The following LARGE1 variants were observed in gnomAD, a reference collection of about 807,000 sequenced individuals.
LARGE1 encodes the protein xylosyl- and glucuronyltransferase LARGE1.
LARGE1 carries 43 observed loss-of-function variants against 87.6 expected under a neutral mutation model. The ratio of observed to expected loss-of-function variants is 0.49; its 90% CI spans 0.38 to 0.63. The LOEUF is 0.63. Ranked by LOEUF, LARGE1 falls within the 30% of genes least tolerant of loss-of-function variation. The pLI is 0.00. For synonymous variants in LARGE1, 434 were observed against 394.6 expected (o/e 1.10, Z -1.18); for missense variants, 802 against 1,000.2 (o/e 0.80, Z 2.67).
At chr22:33,478,266 G>A (rs2069162838) in intron 6 of LARGE1, among the ~76,000 whole-genome samples, 1 of 152,152 alleles carries the variant, frequency 6.6e-6, no homozygotes, top group Admixed American at 6.5e-5. Context: ...GCCACTGTGT[G>A]CCTGCCATAG....
At chr22:33,455,184 T>C (rs995126993) in intron 6 of LARGE1, among the ~76,000 whole-genome samples, 1 of 152,220 alleles carries the variant, frequency 6.6e-6, no homozygotes, top group Non-Finnish European at 1.5e-5. Flanking sequence ...TTGTTGCCAA[T>C]GCTTCCTTTT....
At position 33,274,336 on chromosome 22, in the gene LARGE1, T is replaced by C. The variant is rs1030184803; in HGVS notation, c.*91A>G. The C allele has an allele frequency of 4.5e-6, 6 of 1,333,042 alleles. No individual in the cohort carries two copies. Among genetic ancestry groups the C allele is most frequent in the Non-Finnish European group, 5.4e-6 (5 of 925,480 alleles). The allele number at this position is 1,333,042 out of a possible 1,614,324, so 82.6% of individuals were successfully genotyped here. A position where few individuals can be genotyped will look rare whatever the true frequency, so the allele number is the denominator to read the frequency against. On this transcript the variant is annotated 3_prime_UTR_variant, in exon 15 of 15. Coordinates refer to ENST00000397394, the MANE Select transcript of LARGE1 (RefSeq NM_133642.5). ...TAAATAAAAACAAACCGAAAAAGCA[T>C]GGCTCAATTTTGAATTTGAAGGCCG...
chr22:33,307,145 T>A (rs1469098842), intron 11 of LARGE1, among the ~76,000 whole-genome samples: 1 of 152,224 alleles, frequency 6.6e-6, no homozygotes, highest in Non-Finnish European at 1.5e-5. Flanking sequence ...AGTGTGATCA[T>A]GATCTCATCC....
chr22:33,822,322 C>A (rs577246521), intron 1 of LARGE1, among the ~76,000 whole-genome samples: 1 of 152,124 alleles, frequency 6.6e-6, no homozygotes, highest in African/African-American at 2.4e-5. Context: ...GGTTTCTGGC[C>A]GGCATCTGAA....
chr22:33,543,437 A>G (rs1467997598), intron 6 of LARGE1, among the ~76,000 whole-genome samples: 1 of 152,218 alleles, frequency 6.6e-6, no homozygotes, highest in African/African-American at 2.4e-5. Flanking sequence ...AAACTCATCC[A>G]CGCATCAAAA....
downstream of LARGE1, among the ~76,000 whole-genome samples, chr22:33,269,116 A>C (rs1928110812): frequency 6.6e-6 from 1 of 152,334 alleles, no homozygotes; most frequent in African/African-American, 2.4e-5. Context: ...AAAGTATTTA[A>C]ATTTAAAGGG....
At chr22:33,070,500 A>G in the LARGE1 span, among the ~76,000 whole-genome samples, 1 of 152,134 alleles carries the variant, frequency 6.6e-6, no homozygotes, top group Non-Finnish European at 1.5e-5. Flanking sequence ...ATCCTAAAGC[A>G]AACAGCACAG....
At chr22:33,106,109 T>C in the LARGE1 span, 1 of 152,238 alleles carries the variant, frequency 6.6e-6, no homozygotes, top group Non-Finnish European at 1.5e-5. Context: ...CTAAATGATG[T>C]GGGCTGTTAA....
chr22:33,109,928 A>G, the LARGE1 span, among the ~76,000 whole-genome samples: 2 of 152,230 alleles, frequency 1.3e-5, no homozygotes, highest in South Asian at 2.1e-4. Context: ...TGCCAGCAGC[A>G]TGCTTATTGC....
chr22:33,367,034 C>T (rs1440364794), intron 9 of LARGE1, among the ~76,000 whole-genome samples: 4 of 152,016 alleles, frequency 2.6e-5, no homozygotes, highest in Non-Finnish European at 4.4e-5. Context: ...TTTCTTAAAT[C>T]GGTTTTGGTA....
intron 2 of LARGE1, among the ~76,000 whole-genome samples, chr22:33,657,450 G>C (rs1163495394): frequency 6.6e-6 from 1 of 152,128 alleles, no homozygotes; most frequent in Admixed American, 6.5e-5. Flanking sequence ...AACATCCAGA[G>C]AGTCAATGTG....
intron 10 of LARGE1, among the ~76,000 whole-genome samples, chr22:33,323,668 C>A (rs1179247490): frequency 6.6e-6 from 1 of 152,194 alleles, no homozygotes; most frequent in Non-Finnish European, 1.5e-5. Flanking sequence ...GAAGGGAACA[C>A]ATTATAATGT....
intron 7 of LARGE1, among the ~76,000 whole-genome samples, chr22:33,386,612 T>G (rs1477375930): frequency 6.7e-6 from 1 of 148,908 alleles, no homozygotes; most frequent in African/African-American, 2.4e-5. Context: ...AGCAATATCA[T>G]ATCACTGAAT....
chr22:33,216,375 T>C (rs898247733), intron 11 of LARGE1, among the ~76,000 whole-genome samples: 12 of 152,102 alleles, frequency 7.9e-5, no homozygotes, highest in Admixed American at 5.9e-4. Context: ...ACGCCTGTAA[T>C]CCCAGCACTT....
At position 33,316,186 on chromosome 22, in the gene LARGE1, GCGCTCT is replaced by G. The variant is rs1936137029; in HGVS notation, c.1344_1349del (p.Glu449_Arg450del). The G allele has an allele frequency of 6.2e-7, 1 of 1,613,988 alleles. No individual in the cohort carries two copies. On this transcript the variant is annotated inframe_deletion, in exon 11 of 15. Transcript: ENST00000397394. ...ACAGGTGGGTGCGGTGGACAGTGAAGCGCTCTCGCCGGAACTCATAGCACAGGTCGT... is the reference window on the plus strand; with the variant it reads ...ACAGGTGGGTGCGGTGGACAGTGAAGCGCCGGAACTCATAGCACAGGTCGT...
intron 2 of LARGE1, among the ~76,000 whole-genome samples, chr22:33,759,463 T>TC (rs537091928): frequency 2.0e-4 from 31 of 151,880 alleles, no homozygotes; most frequent in Admixed American, 5.2e-4. Flanking sequence ...ATCTGCCTCA[T>TC]CCCCCCCATC....
chr22:33,451,725 A>ATT (rs35698685), intron 6 of LARGE1, among the ~76,000 whole-genome samples: 20 of 151,744 alleles, frequency 1.3e-4, no homozygotes, highest in African/African-American at 4.6e-4. Flanking sequence ...CACCCAGCTA[A>ATT]TTTTTGAATT....
chr22:33,427,515 A>T (rs1199711309), intron 7 of LARGE1, among the ~76,000 whole-genome samples: 1 of 152,184 alleles, frequency 6.6e-6, no homozygotes, highest in African/African-American at 2.4e-5. Flanking sequence ...TAGGGGGAAA[A>T]GTCTAGTTTA....
At chr22:33,630,008 G>A (rs2080053951) in intron 3 of LARGE1, among the ~76,000 whole-genome samples, 1 of 152,172 alleles carries the variant, frequency 6.6e-6, no homozygotes, top group East Asian at 1.9e-4. Flanking sequence ...GACCAGCCTG[G>A]CTAACATGGT....
Sources: gnomAD v4.1 joint callset for allele counts (sites outside exome capture counted in the v4.1 genomes callset) on GRCh38, gnomAD v4.1.1 for gene constraint, MANE v1.5 for transcripts, NCBI Gene and HGNC (gene_info 2026-07-23, HGNC 2026-07-21) for gene names.